Variants in ARHGEF18 observed in about 807,000 individuals in gnomAD.
ARHGEF18 encodes the protein rho guanine nucleotide exchange factor 18.
ARHGEF18 carries 93 observed loss-of-function variants against 155.7 expected under a neutral mutation model. The ratio of observed to expected loss-of-function variants is 0.60; its 90% CI spans 0.50 to 0.71. The LOEUF is 0.71. Among genes scored for constraint, ARHGEF18 ranks in the 30% least tolerant of loss-of-function variants. The pLI is 0.00. For synonymous variants in ARHGEF18, 742 were observed against 753.1 expected (o/e 0.99, Z 0.24); for missense variants, 1,593 against 1,816.1 (o/e 0.88, Z 2.23).
At position 7,385,875 on chromosome 19, in the gene ARHGEF18, C is replaced by T. The variant is rs1246138492; in HGVS notation, c.967+2672C>T. On this transcript the variant is annotated intron_variant, in intron 10 of 28. Coordinates refer to ENST00000668164, the MANE Select transcript of ARHGEF18 (RefSeq NM_001367823.1). ...TCTCTCTCTCTCTCTCTCTCTCCCC[C>T]CTCCCTCTCTCCCTCCCTCCCTCTC... is the stretch of plus-strand genomic sequence containing the variant. Among the ~76,000 whole-genome samples the T allele has an allele frequency of 1.2e-3, 79 of 68,146 alleles. 7 individuals carry two copies. The highest frequency in any genetic ancestry group is 5.8e-3 in the African/African-American group (60 of 10,304). The allele number at this position is 68,146 out of a possible 152,430, so 44.7% of individuals were successfully genotyped here. A position where few individuals can be genotyped will look rare whatever the true frequency, so the allele number is the denominator to read the frequency against.
rs1305839987 is a variant in ARHGEF18 at position 7,462,196 on chromosome 19, G to A, written c.2497G>A (p.Glu833Lys). ...CCAGCTGATCGCACAGAGCCTCCTA[G>A]AGAAACAGCAGATCTACCTGGAGAT... ...KDQLIAQSLL[E>K]KQQIYLEMAE... is the part of the protein sequence containing the mutation. Residue 833 changes from glutamate (E) to lysine (K), a missense_variant, in exon 21 of 29, where the codon GAG (glutamate) becomes AAG (lysine). By Grantham distance (56) the Glu-to-Lys change is moderately conservative. Transcript: ENST00000668164. The surrounding 1 kb of genome is among the most constrained non-coding windows in gnomAD (Gnocchi z 4.4). 1.9e-6 allele frequency: 3 copies of A among 1,613,904 alleles called. No individual in the cohort carries two copies. The highest frequency in any genetic ancestry group is 2.7e-5 in the African/African-American group (2 of 74,938).
chr19:7,438,020 C>G (rs1195072241), intron 10 of ARHGEF18, among the ~76,000 whole-genome samples: 1 of 129,302 alleles, frequency 7.7e-6, no homozygotes, highest in Non-Finnish European at 1.7e-5. Flanking sequence ...CCTCCCCTCC[C>G]TTCCCTTCCC....
At position 7,463,004 on chromosome 19, in the gene ARHGEF18, T is replaced by TTG. The variant is rs113500596; in HGVS notation, c.2635+672_2635+673dup. On this transcript the variant is annotated intron_variant, in intron 21 of 28. Transcript: ENST00000668164. This position sits in a 1 kb window ranked among gnomAD's most constrained non-coding sequence, Gnocchi z 5.2. ...ACCCACCACCACGCCCAGCTAATTT[T>TTG]TGTATTTTTCGTAGAGATGGGGTTT... is the stretch of plus-strand genomic sequence containing the variant. 0.037 allele frequency among the ~76,000 whole-genome samples: 5,639 copies of TTG among 151,930 alleles called. 305 individuals are homozygous for TTG. Among genetic ancestry groups the TTG allele is most frequent in the East Asian group, 0.14 (719 of 5,152 alleles).
At chr19:7,385,868 TC>T (rs1785235675) in intron 10 of ARHGEF18, among the ~76,000 whole-genome samples, 1 of 45,304 alleles carries the variant, frequency 2.2e-5, no homozygotes, top group Non-Finnish European at 4.2e-5. Context: ...TCTCTCTCTC[TC>T]TCCCCCCTCC....
At chr19:7,375,344 AAAAGAAAGAAAAG>A (rs1568276919) in intron 3 of ARHGEF18, among the ~76,000 whole-genome samples, 1 of 139,006 alleles carries the variant, frequency 7.2e-6, no homozygotes, top group East Asian at 2.2e-4. Flanking sequence ...GGAAGAAAGA[AAAAGAAAGAAAAG>A]GAAGGAAGGA....
In ARHGEF18 at chr19:7,440,677, G is replaced by A. The variant is rs983989577; in HGVS notation, c.1106+195G>A. ...TTTTTGCAAAAACGATGTGTCCCGG[G>A]GTGTATTCGGCCCCTGGTGGAGCCA... On this transcript the variant is annotated intron_variant, in intron 11 of 28. Coordinates refer to ENST00000668164, the MANE Select transcript of ARHGEF18 (RefSeq NM_001367823.1). The surrounding 1 kb of genome is among the most constrained non-coding windows in gnomAD (Gnocchi z 5.4). 6.6e-6 allele frequency among the ~76,000 whole-genome samples: 1 copy of A among 152,162 alleles called. No homozygotes were observed. Among genetic ancestry groups the A allele is most frequent in the Admixed American group, 6.5e-5 (1 of 15,278 alleles).
At chr19:7,439,600 T>G in intron 10 of ARHGEF18, 2 of 936,238 alleles carry the variant, frequency 2.1e-6, no homozygotes, top group Non-Finnish European at 2.6e-6. Context: ...GTTGGGTTGG[T>G]TTATAATCAC....
chr19:7,430,631 T>C (rs1004342080), intron 10 of ARHGEF18, among the ~76,000 whole-genome samples: 4 of 151,766 alleles, frequency 2.6e-5, no homozygotes, highest in Non-Finnish European at 4.4e-5. Context: ...AGGGAGACCC[T>C]ATCTCTATAA....
At chr19:7,360,826 C>T (rs1434566416) in intron 1 of ARHGEF18, among the ~76,000 whole-genome samples, 1 of 152,172 alleles carries the variant, frequency 6.6e-6, no homozygotes, top group African/African-American at 2.4e-5. Flanking sequence ...GATGCTGCTT[C>T]GGCTTCTGGG....
chr19:7,423,668 G>T (rs1782620520), intron 10 of ARHGEF18, among the ~76,000 whole-genome samples: 1 of 150,290 alleles, frequency 6.7e-6, no homozygotes, highest in South Asian at 2.1e-4. Context: ...TCGCGCCACT[G>T]CACTCTAGCC....
At chr19:7,472,905 T>C (rs1469647380), downstream of ARHGEF18, 1 of 445,446 alleles carries the variant, frequency 2.2e-6, no homozygotes, top group Non-Finnish European at 4.5e-6. Context: ...TTTCGCCATG[T>C]TGGCGAGGCT....
In ARHGEF18 at chr19:7,375,733, G is replaced by A; in HGVS notation, c.289G>A (p.Ala97Thr). 8.1e-7 allele frequency: 1 copy of A among 1,234,454 alleles called. No homozygotes were observed. Among genetic ancestry groups the A allele is most frequent in the Non-Finnish European group, 1.0e-6 (1 of 988,238 alleles). The allele number at this position is 1,234,454 out of a possible 1,614,324, so 76.5% of individuals were successfully genotyped here. A position where few individuals can be genotyped will look rare whatever the true frequency, so the allele number is the denominator to read the frequency against. Residue 97 changes from alanine (A) to threonine (T), a missense_variant, in exon 4 of 29, where the codon GCC becomes ACC. By Grantham distance (58) the Ala-to-Thr change is moderately conservative (BLOSUM62 0). Coordinates refer to ENST00000668164, the MANE Select transcript of ARHGEF18 (RefSeq NM_001367823.1). The part of the protein sequence containing the change: ...SESWRRLSLD[A>T]SAVDEEPCLP... ...CTTCTCCACTAGGCTCAGCCTCGAT[G>A]CCTCAGCTGTGGATGAGGAACCCTG...
At chr19:7,366,790 G>C (rs1319618569) in intron 2 of ARHGEF18, among the ~76,000 whole-genome samples, 2 of 151,990 alleles carry the variant, frequency 1.3e-5, no homozygotes, top group Non-Finnish European at 2.9e-5. Flanking sequence ...TAGAGACGGG[G>C]TCTTCTCTGT....
intron 10 of ARHGEF18, among the ~76,000 whole-genome samples, chr19:7,408,095 G>A (rs1338227884): frequency 1.3e-5 from 2 of 151,580 alleles, no homozygotes; most frequent in African/African-American, 2.4e-5. Context: ...CCTGGGTAAC[G>A]TGGTGAAACC....
chr19:7,383,341 A>C (rs558584477), intron 10 of ARHGEF18, 138 bp downstream of exon 10: 1 of 985,546 alleles, frequency 1.0e-6, no homozygotes, highest in East Asian at 3.3e-5. Context: ...GGCTCCCTGG[A>C]GAGAACCAGG....
At chr19:7,478,329 G>A in the ARHGEF18 span, 228 of 1,611,022 alleles carry the variant, frequency 1.4e-4, no homozygotes, top group African/African-American at 5.6e-4. Flanking sequence ...GAAGGGCGCC[G>A]TGGGGCTCCG....
chr19:7,421,946 C>T (rs114503776), intron 10 of ARHGEF18, among the ~76,000 whole-genome samples: 1,675 of 152,120 alleles, frequency 0.011, 41 homozygotes, highest in African/African-American at 0.037. Flanking sequence ...GGTCCCACCT[C>T]GGTGGCCCAA....
intron 10 of ARHGEF18, among the ~76,000 whole-genome samples, chr19:7,415,705 T>TG (rs1201210259): frequency 6.6e-6 from 1 of 151,870 alleles, no homozygotes; most frequent in Non-Finnish European, 1.5e-5. Flanking sequence ...ACCCACCACA[T>TG]GACAGGCCTC....
rs1971620684 is a variant in ARHGEF18 at position 7,395,152 on chromosome 19, A to C, written c.967+11949A>C. 6.1e-6 allele frequency: 6 copies of C among 985,560 alleles called. No individual in the cohort carries two copies. In the South Asian group the frequency reaches 2.3e-4, roughly 39 times the overall value. The allele number at this position is 985,560 out of a possible 1,614,324, so 61.1% of individuals were successfully genotyped here. On this transcript the variant is annotated intron_variant, in intron 10 of 28. Transcript: ENST00000668164. The surrounding 1 kb of genome is among the most constrained non-coding windows in gnomAD (Gnocchi z 5.0). ...CGCTTCCGGCTCCCAGCTGCTAGCT[A>C]CTGTGGATCTGGGGGGGCCGGACGG... is the stretch of plus-strand genomic sequence containing the variant.
Sources: gnomAD v4.1 joint callset for allele counts (sites outside exome capture counted in the v4.1 genomes callset) on GRCh38, gnomAD v4.1.1 for gene constraint, Gnocchi (gnomAD v3.1) non-coding constraint, MANE v1.5 for transcripts, NCBI Gene and HGNC (gene_info 2026-07-23, HGNC 2026-07-21) for gene names.